Variants in TEC observed in about 807,000 individuals in gnomAD.
TEC encodes tyrosine-protein kinase Tec.
A neutral mutation model predicts 93.0 loss-of-function variants in TEC; 72 were observed. That is an observed-to-expected ratio of 0.77 (90% CI 0.64 to 0.94). The LOEUF is 0.94. Ranked by LOEUF, TEC falls within the 40% of genes least tolerant of loss-of-function variation. The pLI, the probability that TEC is intolerant of heterozygous loss-of-function variation, is 0.00. For synonymous variants in TEC, 249 were observed against 247.7 expected, an observed-to-expected ratio of 1.01 and a Z score of -0.05; for missense variants, 630 against 757.9, an observed-to-expected ratio of 0.83 and a Z score of 1.98.
intron 2 of TEC, among the ~76,000 whole-genome samples, chr4:48,182,894 T>C (rs1721648629): frequency 6.6e-6 from 1 of 152,166 alleles, no homozygotes; most frequent in Non-Finnish European, 1.5e-5. Context: ...TGAGAAGTCA[T>C]TTATCTCAGG....
chr4:48,200,546 A>G (rs753491311), intron 2 of TEC, among the ~76,000 whole-genome samples: 31 of 152,332 alleles, frequency 2.0e-4, no homozygotes, highest in South Asian at 8.3e-4. Context: ...CTGTCTGCTT[A>G]TGACATCCAT....
intron 2 of TEC, among the ~76,000 whole-genome samples, chr4:48,206,905 G>A (rs1408985514): frequency 6.6e-6 from 1 of 152,060 alleles, no homozygotes; most frequent in Non-Finnish European, 1.5e-5. Flanking sequence ...GCTGAAATGA[G>A]CCATAATCAC....
intron 2 of TEC, among the ~76,000 whole-genome samples, chr4:48,216,341 T>C (rs1446948443): frequency 2.0e-5 from 3 of 152,170 alleles, no homozygotes; most frequent in Non-Finnish European, 4.4e-5. Flanking sequence ...TGTCTTCCAG[T>C]GTAAATGCTA....
chr4:48,181,913 A>C (rs1721605158), intron 2 of TEC, among the ~76,000 whole-genome samples: 2 of 152,180 alleles, frequency 1.3e-5, no homozygotes, highest in Non-Finnish European at 2.9e-5. Flanking sequence ...TTTCTCCTCC[A>C]TTTAGACTAT....
intron 2 of TEC, among the ~76,000 whole-genome samples, chr4:48,194,404 T>G (rs1293626959): frequency 6.6e-6 from 1 of 152,270 alleles, no homozygotes; most frequent in Admixed American, 6.5e-5. Flanking sequence ...TTAAATCAGC[T>G]GCTACTTAGC....
intron 2 of TEC, among the ~76,000 whole-genome samples, chr4:48,181,568 G>C (rs1721587987): frequency 9.4e-6 from 1 of 106,038 alleles, no homozygotes; most frequent in South Asian, 3.0e-4. Flanking sequence ...AGCTACCTGG[G>C]AGGCTGAGGC....
At chr4:48,182,271 C>CAA (rs1721620823) in intron 2 of TEC, among the ~76,000 whole-genome samples, 3 of 131,724 alleles carry the variant, frequency 2.3e-5, no homozygotes, top group Middle Eastern at 8.1e-3. Flanking sequence ...GGTGACAGAG[C>CAA]GAGACTCCAT....
chr4:48,136,759 T>G lies in TEC; in HGVS notation c.*657A>C, dbSNP rs574410641. On this transcript the variant is annotated 3_prime_UTR_variant, in exon 18 of 18. Coordinates refer to ENST00000381501, the MANE Select transcript of TEC (RefSeq NM_003215.3). ...AGTCTCTAGTCCTAAGAAGGTGAAC[T>G]CCTATACTACAGGATTAAAAGTTTC... The G allele has an allele frequency of 6.6e-6, 1 of 152,104 alleles. No homozygotes were observed. Among genetic ancestry groups the G allele is most frequent in the Non-Finnish European group, 1.5e-5 (1 of 68,010 alleles). The allele number at this position is 152,104 out of a possible 1,614,324, so 9.4% of individuals were successfully genotyped here. A position where few individuals can be genotyped will look rare whatever the true frequency, so the allele number is the denominator to read the frequency against.
chr4:48,234,036 A>T (rs371714438), intron 1 of TEC, among the ~76,000 whole-genome samples: 19 of 152,330 alleles, frequency 1.2e-4, no homozygotes, highest in African/African-American at 4.6e-4. Flanking sequence ...TTTCACAACT[A>T]TGGGGATAAG....
At position 48,163,562 on chromosome 4, in the gene TEC, C is replaced by T. The variant is rs1191938307; in HGVS notation, c.737+140G>A. The T allele has an allele frequency of 1.2e-5, 7 of 585,912 alleles. No homozygotes were observed. The South Asian group carries it at 1.3e-4, about 11-fold the overall frequency. The allele number at this position is 585,912 out of a possible 1,614,324, so 36.3% of individuals were successfully genotyped here. On this transcript the variant is annotated intron_variant, in intron 8 of 17. Coordinates refer to ENST00000381501, the MANE Select transcript of TEC (RefSeq NM_003215.3). Reference sequence around the variant, plus strand: ...ATTAATTCTCAGTCTTTTACCACATCAGGCAATTGAGTTAAGGATATTTTA... The same window carrying T: ...ATTAATTCTCAGTCTTTTACCACATTAGGCAATTGAGTTAAGGATATTTTA...
At chr4:48,151,948 C>T (rs1282577997) in intron 9 of TEC, among the ~76,000 whole-genome samples, 3 of 152,152 alleles carry the variant, frequency 2.0e-5, no homozygotes, top group African/African-American at 7.2e-5. Context: ...CCTCTCTGTC[C>T]AGTAACACTA....
At chr4:48,187,166 C>T (rs1025328502) in intron 2 of TEC, among the ~76,000 whole-genome samples, 6 of 152,116 alleles carry the variant, frequency 3.9e-5, no homozygotes, top group Non-Finnish European at 7.4e-5. Context: ...TGTGCTGTGT[C>T]CACTCAGGGT....
chr4:48,201,310 AC>A (rs1722499056), intron 2 of TEC, among the ~76,000 whole-genome samples: 1 of 152,186 alleles, frequency 6.6e-6, no homozygotes, highest in African/African-American at 2.4e-5. Flanking sequence ...AATTTGAGAT[AC>A]CTGTGAGAAC....
intron 1 of TEC, among the ~76,000 whole-genome samples, chr4:48,245,945 A>G (rs573956375): frequency 6.6e-6 from 1 of 152,216 alleles, no homozygotes; most frequent in Non-Finnish European, 1.5e-5. Flanking sequence ...ACCCATCTCT[A>G]TTAAAAATAC....
intron 1 of TEC, among the ~76,000 whole-genome samples, chr4:48,262,777 C>T (rs571814809): frequency 6.6e-6 from 1 of 152,172 alleles, no homozygotes; most frequent in Non-Finnish European, 1.5e-5. Context: ...CCTAGTGGTA[C>T]CTGCTGAAAA....
chr4:48,225,611 G>A (rs1360430312), intron 2 of TEC, among the ~76,000 whole-genome samples: 1 of 152,206 alleles, frequency 6.6e-6, no homozygotes, highest in African/African-American at 2.4e-5. Context: ...TGCTGGCCAT[G>A]CCTAGAAGCC....
intron 2 of TEC, among the ~76,000 whole-genome samples, chr4:48,183,497 T>C (rs1294882071): frequency 1.3e-5 from 2 of 152,162 alleles, no homozygotes; most frequent in Non-Finnish European, 2.9e-5. Flanking sequence ...TCCAATCCGA[T>C]GAGGGGGCAA....
chr4:48,158,044 C>G (rs976487705), intron 8 of TEC, among the ~76,000 whole-genome samples: 6 of 152,192 alleles, frequency 3.9e-5, no homozygotes, highest in African/African-American at 1.4e-4. Flanking sequence ...CAGTCATATA[C>G]CCTGAGAATT....
chr4:48,254,063 C>T (rs554057495), intron 1 of TEC, among the ~76,000 whole-genome samples: 65 of 152,290 alleles, frequency 4.3e-4, no homozygotes, highest in Middle Eastern at 3.4e-3. Context: ...CCTGATCATA[C>T]GTAATCTCTT....
Sources: gnomAD v4.1 joint callset for allele counts (sites outside exome capture counted in the v4.1 genomes callset) on GRCh38, gnomAD v4.1.1 for gene constraint, MANE v1.5 for transcripts, NCBI Gene and HGNC (gene_info 2026-07-23, HGNC 2026-07-21) for gene names.